The following CASZ1 variants were observed in gnomAD, a reference collection of about 807,000 sequenced individuals.
CASZ1 encodes the protein castor zinc finger 1, also known as zinc finger protein castor homolog 1.
CASZ1 carries 28 observed loss-of-function variants against 135.2 expected under a neutral mutation model. The observed-to-expected ratio is 0.21, with a 90% CI of 0.15 to 0.28. CASZ1 has a LOEUF of 0.28. CASZ1 is among the 10% of genes least tolerant of loss of function. CASZ1 has a pLI of 1.00. For synonymous variants in CASZ1, 1,068 were observed against 1,073.4 expected (o/e 0.99, Z 0.10); for missense variants, 2,161 against 2,453.3 (o/e 0.88, Z 2.52).
Position 10,711,056 on chromosome 1 carries a change from G to A in CASZ1, c.-76-5512C>T, listed in dbSNP as rs192635070. Among the ~76,000 whole-genome samples the A allele has an allele frequency of 5.3e-5, 8 of 152,318 alleles. No individual in the cohort carries two copies. Among genetic ancestry groups the A allele is most frequent in the Middle Eastern group, 3.4e-3 (1 of 294 alleles). ...TGAGGCGTGAGAATCATTTGAACCCGGGAGGCAGAGGTTGCAGTGAGCTGA... is the reference window on the plus strand; with the variant it reads ...TGAGGCGTGAGAATCATTTGAACCCAGGAGGCAGAGGTTGCAGTGAGCTGA... On this transcript the variant is annotated intron_variant, in intron 2 of 20. Coordinates refer to ENST00000377022, the MANE Select transcript of CASZ1 (RefSeq NM_001079843.3). This position sits in a 1 kb window ranked among gnomAD's most constrained non-coding sequence, Gnocchi z 4.4.
In CASZ1 at chr1:10,660,406, G is replaced by T. The variant is rs1339555895; in HGVS notation, c.636C>A (p.Gly212=). ...AGGAGGTGGCTGCCTCCGGGGTGGA[G>T]CCCGCGTGCAGCTTCTCAAAGCTGA... ...RKISFEKLHA[G]STPEAATSSM... is the part of the protein sequence containing the mutation. The change falls in exon 6 of 21, where the codon GGC becomes GGA. Residue 212 remains glycine, a synonymous_variant. Transcript: ENST00000377022. The T allele has an allele frequency of 6.2e-7, 1 of 1,614,184 alleles. No individual in the cohort carries two copies. The highest frequency in any genetic ancestry group is 1.1e-5 in the South Asian group (1 of 91,084).
intron 1 of CASZ1, among the ~76,000 whole-genome samples, chr1:10,778,022 CTCACACACAA>C (rs1052312013): frequency 2.6e-4 from 39 of 152,200 alleles, no homozygotes; most frequent in African/African-American, 8.4e-4. Flanking sequence ...CTCATACAAT[CTCACACACAA>C]TCACACACAA....
chr1:10,665,630 C>A lies in CASZ1; in HGVS notation c.17-59G>T. ...GCGTGCAAGGCCAAGAACAACCCAC[C>A]CTCCCGAACAGCCCTGCATCCCCCA... On this transcript the variant is annotated intron_variant, in intron 4 of 20. Coordinates refer to ENST00000377022, the MANE Select transcript of CASZ1 (RefSeq NM_001079843.3). 7 of 1,466,224 alleles carry A rather than the reference C, an allele frequency of 4.8e-6. No homozygotes were observed. The South Asian group carries it at 9.7e-5, about 20-fold the overall frequency. 90.8% of individuals were successfully genotyped at this position (1,466,224 alleles called of 1,614,324 possible). A position where few individuals can be genotyped will look rare whatever the true frequency, so the allele number is the denominator to read the frequency against.
intron 3 of CASZ1, among the ~76,000 whole-genome samples, chr1:10,704,039 G>A (rs577836275): frequency 6.6e-6 from 1 of 152,310 alleles, no homozygotes; most frequent in Admixed American, 6.5e-5. Context: ...GACCTCATGG[G>A]CGGAGGTTTC....
intron 4 of CASZ1, 73 bp downstream of exon 4, chr1:10,693,800 TA>T: frequency 1.3e-6 from 1 of 761,110 alleles, no homozygotes; most frequent in Non-Finnish European, 2.1e-6. Flanking sequence ...CTCATTGGGC[TA>T]AAAATAAGAA....
At chr1:10,687,787 T>C (rs1053305080) in intron 4 of CASZ1, among the ~76,000 whole-genome samples, 4 of 152,180 alleles carry the variant, frequency 2.6e-5, no homozygotes, top group East Asian at 1.9e-4. Flanking sequence ...GCCATGGTCA[T>C]GGTTAGGAGT....
chr1:10,721,276 A>T lies in CASZ1; in HGVS notation c.-76-15732T>A, dbSNP rs907829983. ...ACTGCTCCTATCACCTACCTCCCCC[A>T]CCCCCTGATCTTAGGGAAAAAAAAA... On this transcript the variant is annotated intron_variant, in intron 2 of 20. Coordinates refer to ENST00000377022, the MANE Select transcript of CASZ1 (RefSeq NM_001079843.3). The surrounding 1 kb of genome is among the most constrained non-coding windows in gnomAD (Gnocchi z 5.4). Among the ~76,000 whole-genome samples the T allele has an allele frequency of 7.4e-5, 11 of 147,724 alleles. No individual in the cohort carries two copies. Among genetic ancestry groups the T allele is most frequent in the African/African-American group, 2.5e-4 (10 of 39,752 alleles).
chr1:10,689,520 C>A (rs576054193), intron 4 of CASZ1, among the ~76,000 whole-genome samples: 3 of 152,106 alleles, frequency 2.0e-5, no homozygotes, highest in Non-Finnish European at 2.9e-5. Context: ...CCTCGCTGGT[C>A]CCTACCAGGG....
chr1:10,768,547 G>A (rs1428524133), intron 1 of CASZ1, among the ~76,000 whole-genome samples: 1 of 152,134 alleles, frequency 6.6e-6, no homozygotes, highest in Non-Finnish European at 1.5e-5. Flanking sequence ...CTCAACCAAG[G>A]CCCTCCTCTC....
intron 4 of CASZ1, among the ~76,000 whole-genome samples, chr1:10,680,332 G>A (rs1000924535): frequency 6.6e-6 from 1 of 152,038 alleles, no homozygotes; most frequent in African/African-American, 2.4e-5. Flanking sequence ...GTGGAGGAAG[G>A]AGCTGAACTT....
Position 10,653,618 on chromosome 1 carries a change from C to T in CASZ1, c.2439G>A (p.Leu813=). 1.9e-6 allele frequency: 3 copies of T among 1,550,584 alleles called. No individual in the cohort carries two copies. Among genetic ancestry groups the T allele is most frequent in the African/African-American group, 1.4e-5 (1 of 73,526 alleles). The change falls in exon 11 of 21, where the codon CTG becomes CTA. Residue 813 remains leucine, a synonymous_variant. Transcript: ENST00000377022. ...CCAGGAGGCTGGGGGTGCCCACAGGCAGGGAGGTGCTCCCACGGCCAGCCA... is the reference window on the plus strand; with the variant it reads ...CCAGGAGGCTGGGGGTGCCCACAGGTAGGGAGGTGCTCCCACGGCCAGCCA... ...PILAGRGSTS[L]PVGTPSLLGA...
Position 10,756,551 on chromosome 1 carries a change from G to T in CASZ1, c.-77+4150C>A, listed in dbSNP as rs77377842. ...GGCGGCATGGGGCCTGTCCAGGGGC[G>T]CTGGGGATCACTGCTATCACAGCAT... On this transcript the variant is annotated intron_variant, in intron 2 of 20. Transcript: ENST00000377022. This position sits in a 1 kb window ranked among gnomAD's most constrained non-coding sequence, Gnocchi z 5.9. Among the ~76,000 whole-genome samples the T allele has an allele frequency of 2.0e-5, 3 of 152,206 alleles. No individual in the cohort carries two copies.
In CASZ1 at chr1:10,788,847, C is replaced by T. The variant is rs1006882867; in HGVS notation, c.-234+7717G>A. 1.3e-5 allele frequency among the ~76,000 whole-genome samples: 2 copies of T among 152,200 alleles called. No individual in the cohort carries two copies. Among genetic ancestry groups the T allele is most frequent in the South Asian group, 2.1e-4 (1 of 4,828 alleles). ...CTTCCTGCCCAGCCAGCAGAGGCAT[C>T]GCACAGAGGAGCCCACCAGTGGGGA... is the stretch of plus-strand genomic sequence containing the variant. On this transcript the variant is annotated intron_variant, in intron 1 of 20. Coordinates refer to ENST00000377022, the MANE Select transcript of CASZ1 (RefSeq NM_001079843.3). The surrounding 1 kb of genome is among the most constrained non-coding windows in gnomAD (Gnocchi z 4.1).
intron 2 of CASZ1, among the ~76,000 whole-genome samples, chr1:10,744,907 A>G (rs564692244): frequency 3.1e-4 from 47 of 152,324 alleles, no homozygotes; most frequent in African/African-American, 1.1e-3. Flanking sequence ...CATGTCTGCC[A>G]TGTGCTCCGT....
intron 9 of CASZ1, 129 bp downstream of exon 9, chr1:10,655,520 A>C: frequency 1.1e-6 from 1 of 887,752 alleles, no homozygotes; most frequent in Admixed American, 2.7e-5. Context: ...GGCCAGGGGA[A>C]AGAGAGGCTC....
At chr1:10,749,245 T>G (rs901393262) in intron 2 of CASZ1, among the ~76,000 whole-genome samples, 1 of 149,000 alleles carries the variant, frequency 6.7e-6, no homozygotes, top group Non-Finnish European at 1.5e-5. Flanking sequence ...CCTCCATCTT[T>G]CCCCCCTATT....
chr1:10,685,148 T>G (rs1180364255), intron 4 of CASZ1, among the ~76,000 whole-genome samples: 2 of 152,246 alleles, frequency 1.3e-5, no homozygotes, highest in Admixed American at 1.3e-4. Flanking sequence ...TTAAGTTAGA[T>G]TCTTAAAGCA....
chr1:10,654,631 G>A lies in CASZ1; in HGVS notation c.1666-40C>T. ...ATGGTGGTCAGGCGAACGGAGGCCAGGTGCTCCTGGGCCGAGGTCGACACC... is the reference window on the plus strand; with the variant it reads ...ATGGTGGTCAGGCGAACGGAGGCCAAGTGCTCCTGGGCCGAGGTCGACACC... On this transcript the variant is annotated intron_variant, in intron 9 of 20. Coordinates refer to ENST00000377022, the MANE Select transcript of CASZ1 (RefSeq NM_001079843.3). 2.5e-6 allele frequency: 4 copies of A among 1,595,784 alleles called. No individual in the cohort carries two copies. The South Asian group carries it at 4.5e-5, about 18-fold the overall frequency.
chr1:10,765,826 C>A (rs770653561), intron 1 of CASZ1, among the ~76,000 whole-genome samples: 6 of 152,200 alleles, frequency 3.9e-5, no homozygotes, highest in African/African-American at 7.2e-5. Flanking sequence ...GGGAGGGGAC[C>A]CGCACCCCAG....
Sources: gnomAD v4.1 joint callset for allele counts (sites outside exome capture counted in the v4.1 genomes callset) on GRCh38, gnomAD v4.1.1 for gene constraint, Gnocchi (gnomAD v3.1) non-coding constraint, MANE v1.5 for transcripts, NCBI Gene and HGNC (gene_info 2026-07-23, HGNC 2026-07-21) for gene names.